Variants in NEGR1 observed in about 807,000 individuals in gnomAD.
NEGR1 encodes neuronal growth regulator 1.
In NEGR1, 10 loss-of-function variants were observed where a neutral mutation model predicts 40.9. The ratio of observed to expected loss-of-function variants is 0.24; its 90% CI spans 0.15 to 0.42. NEGR1 has a LOEUF of 0.42. Among genes scored for constraint, NEGR1 ranks in the 10% least tolerant of loss-of-function variants. NEGR1 has a pLI of 1.00. For synonymous variants in NEGR1, 185 were observed against 166.8 expected (o/e 1.11, Z -0.84); for missense variants, 352 against 438.9 (o/e 0.80, Z 1.77).
intron 6 of NEGR1, among the ~76,000 whole-genome samples, chr1:71,568,766 TATAAA>T (rs1648707177): frequency 6.6e-6 from 1 of 151,908 alleles, no homozygotes. Context: ...TTTATGCACA[TATAAA>T]ATAAAATTAT....
intron 1 of NEGR1, among the ~76,000 whole-genome samples, chr1:72,088,871 T>C (rs112277127): frequency 4.3e-5 from 6 of 141,130 alleles, no homozygotes; most frequent in African/African-American, 1.6e-4. Flanking sequence ...AGTTCAGTGG[T>C]GCAATCTCAG....
At position 71,433,334 on chromosome 1, in the gene NEGR1, C is replaced by A. The variant is rs191884324; in HGVS notation, c.941-25764G>T. 4.6e-5 allele frequency among the ~76,000 whole-genome samples: 7 copies of A among 152,204 alleles called. 1 individual carries two copies. The highest frequency in any genetic ancestry group is 1.7e-4 in the African/African-American group (7 of 41,520). On this transcript the variant is annotated intron_variant, in intron 6 of 6. Transcript: ENST00000357731. ...CGTATCTATCATCTCACATAGTTAC[C>A]CATTAGGGCATTGTTTTTAAGGAAT... is the stretch of plus-strand genomic sequence containing the variant.
intron 1 of NEGR1, among the ~76,000 whole-genome samples, chr1:71,967,198 AAAT>A (rs1281002289): frequency 5.9e-5 from 9 of 152,342 alleles, no homozygotes; most frequent in African/African-American, 2.2e-4. Context: ...ACTTATGAAA[AAAT>A]AATGAATGAA....
At chr1:71,977,773 C>CAA (rs35651349) in intron 1 of NEGR1, among the ~76,000 whole-genome samples, 1,775 of 86,374 alleles carry the variant, frequency 0.021, 41 homozygotes, top group African/African-American at 0.066. Context: ...AAGTAGAAGT[C>CAA]AAAAAAAAAA....
At chr1:72,098,031 T>G (rs1471753051) in intron 1 of NEGR1, among the ~76,000 whole-genome samples, 1 of 152,200 alleles carries the variant, frequency 6.6e-6, no homozygotes, top group Non-Finnish European at 1.5e-5. Context: ...AATTCTTCTC[T>G]TAATATTTGT....
chr1:71,984,768 T>C (rs1380232802), intron 1 of NEGR1, among the ~76,000 whole-genome samples: 4 of 152,154 alleles, frequency 2.6e-5, no homozygotes, highest in African/African-American at 9.7e-5. Context: ...TATTGATCCA[T>C]TAATGCCAAT....
chr1:71,411,941 CA>C (rs925520071), intron 6 of NEGR1, among the ~76,000 whole-genome samples: 2 of 151,928 alleles, frequency 1.3e-5, no homozygotes, highest in African/African-American at 4.8e-5. Flanking sequence ...GTGGAGGTTG[CA>C]GTGAGCCGAG....
chr1:71,567,062 T>C (rs1008712901), intron 6 of NEGR1, among the ~76,000 whole-genome samples: 6 of 152,156 alleles, frequency 3.9e-5, no homozygotes, highest in Non-Finnish European at 7.4e-5. Flanking sequence ...ATTTAGACCA[T>C]AGCAAAAGTC....
chr1:71,580,108 C>T (rs1649086723), intron 6 of NEGR1, among the ~76,000 whole-genome samples: 1 of 151,948 alleles, frequency 6.6e-6, no homozygotes, highest in Admixed American at 6.6e-5. Flanking sequence ...ACATATACAC[C>T]ATGGAATACT....
At chr1:71,694,802 C>A (rs548648941) in intron 4 of NEGR1, among the ~76,000 whole-genome samples, 2 of 151,830 alleles carry the variant, frequency 1.3e-5, no homozygotes, top group South Asian at 4.1e-4. Context: ...ATCTTGAACC[C>A]CATTTGGGGA....
chr1:72,070,800 T>C (rs565842119), intron 1 of NEGR1, among the ~76,000 whole-genome samples: 2 of 152,082 alleles, frequency 1.3e-5, no homozygotes, highest in Non-Finnish European at 2.9e-5. Flanking sequence ...AACAAAAGTC[T>C]AGTTGATTTT....
rs781727916 is a variant in NEGR1, at chr1:72,282,363, G to A, written c.132C>T (p.Ala44=). Residue 44 remains alanine, a synonymous_variant, in exon 1 of 7, where the codon GCC becomes GCT. Transcript: ENST00000357731. ...CTTTTCTGACCATCATGTTGTCCAC[G>A]GCCGCCCAGGGGAAGTCCACACTCT... ...AGQSVDFPWA[A]VDNMMVRKGD... 83 of 1,613,764 alleles carry A rather than the reference G, an allele frequency of 5.1e-5. No homozygotes were observed. The highest frequency in any genetic ancestry group is 6.4e-5 in the Non-Finnish European group (76 of 1,179,992).
chr1:72,137,135 T>C (rs932122857), intron 1 of NEGR1, among the ~76,000 whole-genome samples: 3 of 152,172 alleles, frequency 2.0e-5, no homozygotes, highest in African/African-American at 7.2e-5. Context: ...GGAACACTTT[T>C]ACACTCATTA....
chr1:71,861,097 ATC>A (rs1274754909), intron 2 of NEGR1, among the ~76,000 whole-genome samples: 1 of 152,050 alleles, frequency 6.6e-6, no homozygotes, highest in African/African-American at 2.4e-5. Context: ...ATTTTATTGG[ATC>A]TGTATATTGA....
intron 2 of NEGR1, among the ~76,000 whole-genome samples, chr1:71,874,783 A>G (rs1309416980): frequency 1.3e-5 from 2 of 152,272 alleles, no homozygotes; most frequent in African/African-American, 2.4e-5. Context: ...TCACAAGTCA[A>G]TGTTCTGTGG....
At chr1:71,794,998 C>T (rs1486882104) in intron 2 of NEGR1, among the ~76,000 whole-genome samples, 2 of 151,956 alleles carry the variant, frequency 1.3e-5, no homozygotes, top group African/African-American at 2.4e-5. Flanking sequence ...ACAAGAAGTG[C>T]ACCTTCACTT....
At chr1:71,723,341 G>C (rs899841105) in intron 3 of NEGR1, among the ~76,000 whole-genome samples, 2 of 152,024 alleles carry the variant, frequency 1.3e-5, no homozygotes, top group African/African-American at 4.8e-5. Context: ...ACTTTTGGCT[G>C]GCCCCTGATA....
intron 6 of NEGR1, among the ~76,000 whole-genome samples, chr1:71,588,673 C>T (rs1649393637): frequency 6.6e-6 from 1 of 152,142 alleles, no homozygotes; most frequent in Admixed American, 6.6e-5. Flanking sequence ...CTAAAGCCTA[C>T]AGGCCATGGA....
At chr1:71,943,348 C>T (rs1184985086) in intron 1 of NEGR1, among the ~76,000 whole-genome samples, 1 of 150,234 alleles carries the variant, frequency 6.7e-6, no homozygotes. Flanking sequence ...TATATATATA[C>T]ATATATATGT....
Sources: allele counts gnomAD v4.1 joint callset (sites outside exome capture counted in the v4.1 genomes callset), GRCh38; gene constraint gnomAD v4.1.1; transcripts MANE v1.5; gene names NCBI Gene and HGNC (gene_info 2026-07-23, HGNC 2026-07-21).